Variants in UNK observed in about 807,000 individuals in gnomAD.
UNK encodes the protein unk zinc finger, also known as RING finger protein unkempt homolog.
UNK carries 32 observed loss-of-function variants against 97.6 expected under a neutral mutation model. That is an observed-to-expected ratio of 0.33 (90% CI 0.25 to 0.44). The LOEUF is 0.44. Among genes scored for constraint, UNK ranks in the 20% least tolerant of loss-of-function variants. The probability of loss-of-function intolerance (pLI) is 1.00; values close to 1 mark genes in which losing one functional copy is unlikely to be tolerated. For synonymous variants in UNK, 441 were observed against 461.2 expected (o/e 0.96, Z 0.56); for missense variants, 771 against 1,098.4 (o/e 0.70, Z 4.21).
chr17:75,801,410 T>C (rs1271632045), intron 1 of UNK, among the ~76,000 whole-genome samples: 1 of 152,126 alleles, frequency 6.6e-6, no homozygotes, highest in Non-Finnish European at 1.5e-5. Flanking sequence ...CCCAGCACTT[T>C]GGGAGACCGA....
intron 1 of UNK, among the ~76,000 whole-genome samples, chr17:75,805,809 A>ATGT (rs1567800919): frequency 3.1e-5 from 3 of 96,532 alleles, no homozygotes; most frequent in African/African-American, 1.8e-4. Context: ...TAAAAAGAAA[A>ATGT]ATGTGTGTGT....
Position 75,822,545 on chromosome 17 carries a change from C to T in UNK, c.1906C>T (p.Pro636Ser). The stretch of plus-strand genomic sequence containing the variant: ...TGGAAGCTTCTCCCCGGGCACTTCC[C>T]CCGCTTTCCTATCAGGGCCAGGGGC... Reference protein sequence around the residue: ...ASGSFSPGTSPAFLSGPGAAE... With the variant: ...ASGSFSPGTSSAFLSGPGAAE... The change falls in exon 14 of 16, where the codon CCC (proline) becomes TCC (serine). Residue 636 changes from proline (P) to serine (S), a missense_variant. This residue lies in a region of UNK where 208 missense variants were observed against 257.4 expected (regional missense o/e 0.81). Transcript: ENST00000589666. The T allele has an allele frequency of 6.2e-7, 1 of 1,613,660 alleles. No homozygotes were observed.
Position 75,784,952 on chromosome 17 carries a change from G to T in UNK, c.72G>T (p.Leu24=). The change falls in exon 1 of 16, where the codon CTG becomes CTT. Residue 24 remains leucine (L), a synonymous_variant. Coordinates refer to ENST00000589666, the MANE Select transcript of UNK (RefSeq NM_001080419.3). ...SAPPAATAQV[L]QAQPEKPQHY... is the part of the protein sequence containing the mutation. ...CCCCGGCCGCTACCGCTCAGGTGCT[G>T]CAGGCACAGCCCGAGAAACCGCAGC... The T allele has an allele frequency of 6.5e-7, 1 of 1,536,248 alleles. No homozygotes were observed. The highest frequency in any genetic ancestry group is 2.4e-5 in the East Asian group (1 of 41,046).
At chr17:75,794,083 T>G (rs911554426) in intron 1 of UNK, 147 of 984,868 alleles carry the variant, frequency 1.5e-4, no homozygotes, top group South Asian at 4.2e-4. Context: ...TAGAGACTGG[T>G]ACTTGTATTT....
chr17:75,816,932 A>G lies in UNK; in HGVS notation c.1104+20A>G. 6.3e-7 allele frequency: 1 copy of G among 1,591,836 alleles called. No individual in the cohort carries two copies. The highest frequency in any genetic ancestry group is 1.1e-5 in the South Asian group (1 of 89,198). Reference sequence around the variant, plus strand: ...AGTGCCGTACGTGTCCATCCTGGGGAGTGGGTGGGCACCATGCCTGACAGA... The same window carrying G: ...AGTGCCGTACGTGTCCATCCTGGGGGGTGGGTGGGCACCATGCCTGACAGA... On this transcript the variant is annotated intron_variant, in intron 8 of 15. Transcript: ENST00000589666. This position sits in a 1 kb window ranked among gnomAD's most constrained non-coding sequence, Gnocchi z 4.0.
chr17:75,814,008 C>G, intron 6 of UNK, 130 bp downstream of exon 6: 1 of 775,490 alleles, frequency 1.3e-6, no homozygotes, highest in Non-Finnish European at 2.0e-6. Flanking sequence ...ACCAGCTCTC[C>G]CCTGGCAGTG....
At position 75,819,618 on chromosome 17, in the gene UNK, G is replaced by A. The variant is rs140621610; in HGVS notation, c.1547-66G>A. 20 of 1,465,844 alleles carry A rather than the reference G, an allele frequency of 1.4e-5. No homozygotes were observed. The East Asian group carries it at 3.9e-4, about 28-fold the overall frequency. The allele number at this position is 1,465,844 out of a possible 1,614,324, so 90.8% of individuals were successfully genotyped here. On this transcript the variant is annotated intron_variant, in intron 11 of 15. Transcript: ENST00000589666. This position sits in a 1 kb window ranked among gnomAD's most constrained non-coding sequence, Gnocchi z 5.4. ...TGGGCGTGAAGATGCAGCGTGGGCA[G>A]TAGACGAGGTGGTCAGGGTCAGATA...
Position 75,819,337 on chromosome 17 carries a change from A to G in UNK, c.1547-347A>G. On this transcript the variant is annotated intron_variant, in intron 11 of 15. Coordinates refer to ENST00000589666, the MANE Select transcript of UNK (RefSeq NM_001080419.3). The surrounding 1 kb of genome is among the most constrained non-coding windows in gnomAD (Gnocchi z 5.4). ...TATACACCAGCCACTGAGTGCCCAGAGACCCGCCCACCCCCACTGATCCCG... is the reference window on the plus strand; with the variant it reads ...TATACACCAGCCACTGAGTGCCCAGGGACCCGCCCACCCCCACTGATCCCG... 2.9e-6 allele frequency: 1 copy of G among 343,248 alleles called. No homozygotes were observed. The allele number at this position is 343,248 out of a possible 1,614,324, so 21.3% of individuals were successfully genotyped here.
At chr17:75,812,693 C>T (rs924189123) in intron 4 of UNK, 108 bp downstream of exon 4, 259 of 1,457,686 alleles carry the variant, frequency 1.8e-4, no homozygotes, top group Non-Finnish European at 2.1e-4. Flanking sequence ...AGGCCCCGAC[C>T]TGGCCCGCAT....
intron 1 of UNK, among the ~76,000 whole-genome samples, chr17:75,802,748 A>G (rs964859712): frequency 6.6e-6 from 1 of 152,160 alleles, no homozygotes; most frequent in Non-Finnish European, 1.5e-5. Flanking sequence ...TCCAGATAAA[A>G]CACATTTTTG....
chr17:75,799,316 A>G (rs892697479), intron 1 of UNK, among the ~76,000 whole-genome samples: 1 of 152,254 alleles, frequency 6.6e-6, no homozygotes, highest in African/African-American at 2.4e-5. Flanking sequence ...AAAAAAGTTA[A>G]TCTGTAATGG....
intron 1 of UNK, among the ~76,000 whole-genome samples, chr17:75,807,761 A>G (rs1316578271): frequency 1.3e-5 from 2 of 151,792 alleles, no homozygotes; most frequent in Admixed American, 1.3e-4. Flanking sequence ...CCGTTTTTTT[A>G]TATTTTTAGT....
intron 1 of UNK, among the ~76,000 whole-genome samples, chr17:75,787,669 CAAAAAATT>C (rs2061725404): frequency 6.6e-6 from 1 of 151,772 alleles, no homozygotes; most frequent in Non-Finnish European, 1.5e-5. Flanking sequence ...ACTAAAAATA[CAAAAAATT>C]AGTCAGGCCT....
In UNK at chr17:75,818,120, C is replaced by T; in HGVS notation, c.1323C>T (p.His441=). 1 of 1,613,440 alleles carries T rather than the reference C, an allele frequency of 6.2e-7. No homozygotes were observed. Among genetic ancestry groups the T allele is most frequent in the Non-Finnish European group, 8.5e-7 (1 of 1,179,778 alleles). ...NFKCQAKLKP[H]SLEPRSQEQP... ...TCTCTCAGGCCAAATTAAAACCCCA[C>T]TCATTAGAGCCCAGGAGTCAAGAGC... The change falls in exon 10 of 16, where the codon CAC becomes CAT. Residue 441 remains histidine (H), a synonymous_variant. Coordinates refer to ENST00000589666, the MANE Select transcript of UNK (RefSeq NM_001080419.3). This position sits in a 1 kb window ranked among gnomAD's most constrained non-coding sequence, Gnocchi z 5.1.
At chr17:75,823,232 C>A in intron 14 of UNK, 33 bp from the exon 15 acceptor site, 1 of 1,560,712 alleles carries the variant, frequency 6.4e-7, no homozygotes, top group Non-Finnish European at 8.7e-7. Context: ...CAGGGCAGGG[C>A]CATTGTGATG....
intron 1 of UNK, among the ~76,000 whole-genome samples, chr17:75,795,917 T>G (rs1285415665): frequency 6.6e-6 from 1 of 152,134 alleles, no homozygotes; most frequent in Non-Finnish European, 1.5e-5. Context: ...TGAGCCCCAG[T>G]GAAAAGTGGG....
chr17:75,792,388 G>C, intron 1 of UNK: 1 of 985,358 alleles, frequency 1.0e-6, no homozygotes, highest in Non-Finnish European at 1.2e-6. Context: ...ACTATGGACA[G>C]TTATGGCTAA....
Position 75,822,492 on chromosome 17 carries a change from ACAG to A in UNK, c.1859_1861del (p.Ser620del). The A allele has an allele frequency of 6.2e-7, 1 of 1,612,972 alleles. No homozygotes were observed. Among genetic ancestry groups the A allele is most frequent in the Non-Finnish European group, 8.5e-7 (1 of 1,179,512 alleles). On this transcript the variant is annotated inframe_deletion, in exon 14 of 16. Coordinates refer to ENST00000589666, the MANE Select transcript of UNK (RefSeq NM_001080419.3). Reference sequence around the variant, plus strand: ...CTTGGGGCAGGTCTGAACGGGATGAACAGCAGCATCTGGGAGCATTTTGCCTCT... The same window carrying A: ...CTTGGGGCAGGTCTGAACGGGATGAACAGCATCTGGGAGCATTTTGCCTCT...
At chr17:75,790,136 C>A (rs1458781630) in intron 1 of UNK, among the ~76,000 whole-genome samples, 2 of 151,746 alleles carry the variant, frequency 1.3e-5, no homozygotes, top group African/African-American at 4.8e-5. Context: ...GGACTAGACT[C>A]CGTCTCAAAC....
Sources: allele counts gnomAD v4.1 joint callset (sites outside exome capture counted in the v4.1 genomes callset), GRCh38; gene constraint gnomAD v4.1.1; regional missense constraint gnomAD v4.1.1; non-coding constraint Gnocchi (gnomAD v3.1); transcripts MANE v1.5; gene names NCBI Gene and HGNC (gene_info 2026-07-23, HGNC 2026-07-21).